Variants in ERC2 observed in about 807,000 individuals in gnomAD.
ERC2 encodes the protein ERC protein 2.
Under a neutral mutation model 114.8 loss-of-function variants are expected in ERC2, and 42 were observed. The ratio of observed to expected loss-of-function variants is 0.37; its 90% confidence interval spans 0.29 to 0.47. The LOEUF (loss-of-function observed/expected upper bound fraction) is 0.47, where lower values mean the gene tolerates loss of function less well. ERC2 is among the 20% of genes least tolerant of loss of function. The pLI is 0.99. For synonymous variants in ERC2, 454 were observed against 425.5 expected, an observed-to-expected ratio of 1.07 and a Z score of -0.82; for missense variants, 939 against 1,150.7, an observed-to-expected ratio of 0.82 and a Z score of 2.66.
intron 6 of ERC2, among the ~76,000 whole-genome samples, chr3:56,131,001 AG>A (rs1362484693): frequency 6.6e-6 from 1 of 152,122 alleles, no homozygotes; most frequent in Non-Finnish European, 1.5e-5. Context: ...ACATTAGGGG[AG>A]GGGAAAGTGT....
chr3:55,773,125 C>A (rs1262337443), intron 14 of ERC2, among the ~76,000 whole-genome samples: 1 of 152,324 alleles, frequency 6.6e-6, no homozygotes, highest in Admixed American at 6.5e-5. Flanking sequence ...AAGGTCTCTG[C>A]ATTTTTCTCA....
intron 12 of ERC2, among the ~76,000 whole-genome samples, chr3:55,956,066 G>C (rs561154409): frequency 3.3e-5 from 5 of 152,288 alleles, no homozygotes; most frequent in African/African-American, 1.2e-4. Context: ...TTCACTCTTA[G>C]CTTACAGTAA....
intron 6 of ERC2, among the ~76,000 whole-genome samples, chr3:56,120,017 G>A (rs533475660): frequency 5.0e-4 from 76 of 152,304 alleles, no homozygotes; most frequent in Non-Finnish European, 3.8e-4. Flanking sequence ...AAATGAGAAT[G>A]CTCAAAAGTT....
rs770603611 is a variant in ERC2 at position 55,888,441 on chromosome 3, C to A, written c.2512G>T (p.Ala838Ser). 63 of 1,613,754 alleles carry A rather than the reference C, an allele frequency of 3.9e-5. No homozygotes were observed. The highest frequency in any genetic ancestry group is 5.2e-5 in the Non-Finnish European group (61 of 1,179,862). Residue 838 changes from alanine (A) to serine (S), a missense_variant, in exon 14 of 18, where the codon GCC (alanine) becomes TCC (serine). Around this residue, in one of 5 missense-constraint regions of ERC2, gnomAD observed 328 missense variants for 353.9 expected, o/e 0.93. Transcript: ENST00000288221. ...TTCCTCCTCTCAATCCGGAGGTTGG[C>A]CAAGTGCGCTTCTTTTTCGGCCAGG... is the stretch of plus-strand genomic sequence containing the variant. ...QSLAEKEAHL[A>S]NLRIERRKQL...
At chr3:55,713,911 G>A (rs1469529577) in intron 15 of ERC2, among the ~76,000 whole-genome samples, 5 of 152,150 alleles carry the variant, frequency 3.3e-5, no homozygotes, top group Admixed American at 6.5e-5. Context: ...GGTACCCTGC[G>A]ACTATGCCAT....
chr3:55,821,238 G>T (rs2060110208), intron 14 of ERC2, among the ~76,000 whole-genome samples: 1 of 152,150 alleles, frequency 6.6e-6, no homozygotes, highest in South Asian at 2.1e-4. Flanking sequence ...GAATAGGTGT[G>T]CAATAGGACT....
intron 3 of ERC2, among the ~76,000 whole-genome samples, chr3:56,176,595 T>C (rs2082992610): frequency 6.6e-6 from 1 of 152,230 alleles, no homozygotes; most frequent in Non-Finnish European, 1.5e-5. Context: ...TGTAATTTTC[T>C]TAATTACAAT....
chr3:56,428,549 A>AGGGG (rs2061662858), intron 2 of ERC2, among the ~76,000 whole-genome samples: 1 of 23,984 alleles, frequency 4.2e-5, no homozygotes, highest in African/African-American at 1.6e-4. Flanking sequence ...GAAAGGAAGG[A>AGGGG]AGGAAGGGAG....
At chr3:55,576,831 A>G (rs552957047) in intron 17 of ERC2, among the ~76,000 whole-genome samples, 1 of 152,354 alleles carries the variant, frequency 6.6e-6, no homozygotes, top group Admixed American at 6.5e-5. Flanking sequence ...AGTCAGTCAC[A>G]CCGCATCGTG....
intron 15 of ERC2, among the ~76,000 whole-genome samples, chr3:55,700,067 A>T (rs1025541349): frequency 6.6e-6 from 1 of 152,238 alleles, no homozygotes; most frequent in African/African-American, 2.4e-5. Context: ...CTCTACGGAC[A>T]TTTTAACCGA....
chr3:55,831,640 G>A (rs895208497), intron 14 of ERC2, among the ~76,000 whole-genome samples: 4 of 152,148 alleles, frequency 2.6e-5, no homozygotes, highest in Non-Finnish European at 2.9e-5. Flanking sequence ...CAAGATGGCC[G>A]AATAGGAACA....
chr3:56,447,621 T>G (rs2062639258), intron 1 of ERC2, among the ~76,000 whole-genome samples: 1 of 152,066 alleles, frequency 6.6e-6, no homozygotes, highest in Admixed American at 6.5e-5. Context: ...ATTTATAAAA[T>G]ATAGAGATTA....
At chr3:55,729,828 A>T (rs2148907215) in intron 15 of ERC2, among the ~76,000 whole-genome samples, 1 of 108,022 alleles carries the variant, frequency 9.3e-6, no homozygotes, top group Non-Finnish European at 2.0e-5. Context: ...ATGCAGTGAG[A>T]CTCTATCGCA....
intron 13 of ERC2, among the ~76,000 whole-genome samples, chr3:55,926,689 G>A (rs75036248): frequency 6.6e-6 from 1 of 152,180 alleles, no homozygotes; most frequent in African/African-American, 2.4e-5. Flanking sequence ...TGAAAAATTA[G>A]GAGGTGAACT....
intron 14 of ERC2, among the ~76,000 whole-genome samples, chr3:55,883,621 G>A (rs904673373): frequency 1.3e-5 from 2 of 152,036 alleles, no homozygotes; most frequent in African/African-American, 4.8e-5. Context: ...CGGGTGCAGT[G>A]GCTCACACCT....
intron 15 of ERC2, among the ~76,000 whole-genome samples, chr3:55,724,074 G>C (rs942202559): frequency 2.0e-5 from 3 of 152,162 alleles, no homozygotes; most frequent in African/African-American, 7.2e-5. Flanking sequence ...AAACTAAAGA[G>C]AAAAAGGCTT....
At chr3:56,423,054 A>T (rs2061443692) in intron 2 of ERC2, among the ~76,000 whole-genome samples, 1 of 152,206 alleles carries the variant, frequency 6.6e-6, no homozygotes, top group South Asian at 2.1e-4. Context: ...CCTATTTACC[A>T]AATGTCTACT....
At chr3:55,680,095 G>T (rs2061988454) in intron 17 of ERC2, among the ~76,000 whole-genome samples, 1 of 152,120 alleles carries the variant, frequency 6.6e-6, no homozygotes. Context: ...CCATAACATT[G>T]TCCATGAGCT....
chr3:56,209,320 CT>C (rs1465613150), intron 3 of ERC2, among the ~76,000 whole-genome samples: 1 of 152,136 alleles, frequency 6.6e-6, no homozygotes, highest in Non-Finnish European at 1.5e-5. Context: ...TTCAAGATGC[CT>C]TGCTTGACCT....
Sources: allele counts gnomAD v4.1 joint callset (sites outside exome capture counted in the v4.1 genomes callset), GRCh38; gene constraint gnomAD v4.1.1; regional missense constraint gnomAD v4.1.1; transcripts MANE v1.5; gene names NCBI Gene and HGNC (gene_info 2026-07-23, HGNC 2026-07-21).